Variants in FMN1 observed in about 807,000 individuals in gnomAD.
The protein encoded by FMN1 is formin-1.
Under a neutral mutation model 132.4 loss-of-function variants are expected in FMN1, and 110 were observed. The ratio of observed to expected loss-of-function variants is 0.83; its 90% CI spans 0.71 to 0.97. FMN1 has a LOEUF of 0.97. Ranked by LOEUF, FMN1 falls within the 50% of genes least tolerant of loss-of-function variation. The pLI, the probability that FMN1 is intolerant of heterozygous loss-of-function variation, is 0.00. For missense variants in FMN1, 1,792 were observed against 1,705.3 expected (o/e 1.05, Z -0.90); for synonymous variants, 722 against 651.7 (o/e 1.11, Z -1.64).
At chr15:33,126,834 T>G (rs767659814) in intron 4 of FMN1, among the ~76,000 whole-genome samples, 2 of 152,194 alleles carry the variant, frequency 1.3e-5, no homozygotes, top group Non-Finnish European at 2.9e-5. Context: ...CTGGCGAGTC[T>G]TCTGGCTCTG....
chr15:32,979,895 G>A (rs981989397), intron 7 of FMN1, among the ~76,000 whole-genome samples: 1 of 152,160 alleles, frequency 6.6e-6, no homozygotes, highest in Non-Finnish European at 1.5e-5. Flanking sequence ...TAAGCAAGGA[G>A]GTATTTGGCT....
Position 33,066,873 on chromosome 15 carries a change from T to C in FMN1, c.2044-1799A>G. ...GAGAGCTGCTCCAGGAGAGTGGGAGTGGCCTTCGGATCAGTTGCTTTCTTC... is the reference window on the plus strand; with the variant it reads ...GAGAGCTGCTCCAGGAGAGTGGGAGCGGCCTTCGGATCAGTTGCTTTCTTC... On this transcript the variant is annotated intron_variant, in intron 5 of 20. Transcript: ENST00000616417. 7.4e-6 allele frequency: 12 copies of C among 1,613,750 alleles called. No homozygotes were observed. Among genetic ancestry groups the C allele is most frequent in the Non-Finnish European group, 1.0e-5 (12 of 1,179,828 alleles).
At chr15:33,068,581 C>G (rs2037856745) in intron 5 of FMN1, among the ~76,000 whole-genome samples, 1 of 152,046 alleles carries the variant, frequency 6.6e-6, no homozygotes, top group Non-Finnish European at 1.5e-5. Context: ...AATAGATCAT[C>G]TCAAAAGTGC....
intron 6 of FMN1, among the ~76,000 whole-genome samples, chr15:33,034,795 T>C (rs1049690741): frequency 2.0e-5 from 3 of 152,258 alleles, no homozygotes; most frequent in Non-Finnish European, 2.9e-5. Context: ...CTGGGCCTAC[T>C]TACCCTCCAC....
At chr15:32,867,933 C>A (rs961695855) in intron 16 of FMN1, among the ~76,000 whole-genome samples, 1 of 152,140 alleles carries the variant, frequency 6.6e-6, no homozygotes. Flanking sequence ...ACTGTTAAAT[C>A]TCCAGCATCT....
In FMN1 at chr15:33,154,398, G is replaced by C. The variant is rs1964583493; in HGVS notation, c.517C>G (p.Pro173Ala). The change falls in exon 4 of 21, where the codon CCA becomes GCA. Residue 173 changes from proline to alanine, a missense_variant. By Grantham distance (27) the Pro-to-Ala change is conservative. Transcript: ENST00000616417. ...SGRRESFGAL[P>A]QKRTKRKGRG... ...CCTTTTCTTTTGGTCCTCTTCTGTGGAAGGGCCCCAAAGCTCTCTCTCCTT... is the reference window on the plus strand; with the variant it reads ...CCTTTTCTTTTGGTCCTCTTCTGTGCAAGGGCCCCAAAGCTCTCTCTCCTT... The C allele has an allele frequency of 2.6e-6, 4 of 1,535,992 alleles. No homozygotes were observed.
chr15:32,994,232 T>TCTCACACACACA (rs904998781), intron 7 of FMN1, among the ~76,000 whole-genome samples: 114 of 37,264 alleles, frequency 3.1e-3, no homozygotes, highest in African/African-American at 6.1e-3. Flanking sequence ...TCTCTCTCTC[T>TCTCACACACACA]CACACACACA....
chr15:32,832,353 T>C (rs536645432), intron 17 of FMN1, among the ~76,000 whole-genome samples: 1 of 152,242 alleles, frequency 6.6e-6, no homozygotes, highest in East Asian at 1.9e-4. Flanking sequence ...ACTTTCCTTC[T>C]GATGAAGCTG....
In FMN1 at chr15:32,995,629, C is replaced by G. The variant is rs373648353; in HGVS notation, c.2223+12385G>C. On this transcript the variant is annotated intron_variant, in intron 7 of 20. Coordinates refer to ENST00000616417, the MANE Select transcript of FMN1 (RefSeq NM_001277313.2). ...ATCATTACTAAATGATGTTTTATCTCTAGCACATCTCTTGTATTTGACACG... is the reference window on the plus strand; with the variant it reads ...ATCATTACTAAATGATGTTTTATCTGTAGCACATCTCTTGTATTTGACACG... Among the ~76,000 whole-genome samples the G allele has an allele frequency of 3.9e-5, 6 of 152,162 alleles. No individual in the cohort carries two copies. In the East Asian group the frequency reaches 7.7e-4, roughly 20 times the overall value.
At chr15:32,918,648 T>C (rs1057326385) in intron 10 of FMN1, among the ~76,000 whole-genome samples, 2 of 152,174 alleles carry the variant, frequency 1.3e-5, no homozygotes, top group South Asian at 2.1e-4. Flanking sequence ...GCACAGGGCA[T>C]AGAATTCACA....
intron 16 of FMN1, among the ~76,000 whole-genome samples, chr15:32,873,658 G>A (rs908431661): frequency 6.6e-6 from 1 of 152,152 alleles, no homozygotes; most frequent in Admixed American, 6.5e-5. Flanking sequence ...GGGGAGTTCT[G>A]GGCAGGGCTG....
At chr15:33,046,747 G>C (rs1276758730) in intron 6 of FMN1, among the ~76,000 whole-genome samples, 1 of 137,564 alleles carries the variant, frequency 7.3e-6, no homozygotes, top group Non-Finnish European at 1.6e-5. Context: ...TCAGACTTCT[G>C]GTCTCTCTCT....
chr15:33,193,213 A>G (rs1945107095), intron 2 of FMN1, among the ~76,000 whole-genome samples: 1 of 152,164 alleles, frequency 6.6e-6, no homozygotes. Context: ...TGGAAGCAAC[A>G]TCTTCCACAA....
chr15:33,031,913 T>C (rs2035954389), intron 6 of FMN1, among the ~76,000 whole-genome samples: 1 of 152,260 alleles, frequency 6.6e-6, no homozygotes, highest in Non-Finnish European at 1.5e-5. Flanking sequence ...TATCAATTTT[T>C]TGTCTACTTG....
intron 5 of FMN1, among the ~76,000 whole-genome samples, chr15:33,072,635 A>T (rs897057726): frequency 2.6e-5 from 4 of 152,204 alleles, no homozygotes; most frequent in Non-Finnish European, 4.4e-5. Flanking sequence ...AAAGAACATC[A>T]GTCTAGGCTG....
intron 4 of FMN1, among the ~76,000 whole-genome samples, chr15:33,111,258 A>G (rs1316967847): frequency 6.6e-6 from 1 of 152,158 alleles, no homozygotes; most frequent in Non-Finnish European, 1.5e-5. Flanking sequence ...ATCCTTTGAA[A>G]TGCAAATCGA....
chr15:32,779,667 T>C (rs943224866), intron 19 of FMN1, among the ~76,000 whole-genome samples: 2 of 152,294 alleles, frequency 1.3e-5, no homozygotes, highest in Admixed American at 6.5e-5. Context: ...TATATGAGAA[T>C]AGCAAATAAC....
intron 16 of FMN1, among the ~76,000 whole-genome samples, chr15:32,862,612 A>G (rs1484278800): frequency 6.6e-6 from 1 of 152,232 alleles, no homozygotes; most frequent in South Asian, 2.1e-4. Flanking sequence ...CCTAAGAACA[A>G]GGGAATAAAG....
chr15:32,782,863 A>T (rs916467395), intron 19 of FMN1, among the ~76,000 whole-genome samples: 1 of 152,230 alleles, frequency 6.6e-6, no homozygotes, highest in Non-Finnish European at 1.5e-5. Context: ...ACATAGATGG[A>T]GCTGCAGATC....
Sources: gnomAD v4.1 joint callset for allele counts (sites outside exome capture counted in the v4.1 genomes callset) on GRCh38, gnomAD v4.1.1 for gene constraint, MANE v1.5 for transcripts, NCBI Gene and HGNC (gene_info 2026-07-23, HGNC 2026-07-21) for gene names.